Variants in ZNF716 observed in about 807,000 individuals in gnomAD.
ZNF716 encodes the protein zinc finger protein 716.
In ZNF716, 9 loss-of-function variants were observed where a neutral mutation model predicts 13.4. The observed-to-expected ratio is 0.67, with a 90% CI of 0.41 to 1.18. ZNF716 has a LOEUF of 1.18. Ranked by LOEUF, ZNF716 falls within the 50% of genes most tolerant of loss-of-function variation. The pLI, the probability that ZNF716 is intolerant of heterozygous loss-of-function variation, is 0.01. For synonymous variants in ZNF716, 186 were observed against 195.2 expected, an observed-to-expected ratio of 0.95 and a Z score of 0.39; for missense variants, 581 against 576.6, an observed-to-expected ratio of 1.01 and a Z score of -0.08.
intron 1 of ZNF716, among the ~76,000 whole-genome samples, chr7:57,460,967 T>C (rs1468956042): frequency 5.9e-5 from 9 of 151,690 alleles, no homozygotes; most frequent in Non-Finnish European, 1.2e-4. Context: ...GAAAACTGAT[T>C]TTTTTTTATA....
rs535858758 is a variant in ZNF716 at position 57,470,539 on chromosome 7, C to T, written c.*590C>T. Reference sequence around the variant, plus strand: ...AGATAATTCATTCTAGAGACAAACCCTACAAAAACAATGTGGTAAAGCTTT... The same window carrying T: ...AGATAATTCATTCTAGAGACAAACCTTACAAAAACAATGTGGTAAAGCTTT... On this transcript the variant is annotated 3_prime_UTR_variant, in exon 4 of 4. Transcript: ENST00000420713. 6.5e-5 allele frequency: 10 copies of T among 152,866 alleles called. No homozygotes were observed. The highest frequency in any genetic ancestry group is 2.2e-4 in the African/African-American group (9 of 41,532). The allele number at this position is 152,866 out of a possible 1,614,324, so 9.5% of individuals were successfully genotyped here.
Position 57,463,085 on chromosome 7 carries a change from C to T in ZNF716, c.179C>T (p.Ser60Phe). The T allele has an allele frequency of 1.2e-6, 2 of 1,610,356 alleles. No individual in the cohort carries two copies. The highest frequency in any genetic ancestry group is 8.5e-7 in the Non-Finnish European group (1 of 1,179,880). ...CTTAATAAAACAGGTATTGCTGTCT[C>T]TAAGCCAGACTTGATCACCTGTCTG... ...RNLVSLGIAVSKPDLITCLEQ... is the reference protein window; with the variant it reads ...RNLVSLGIAVFKPDLITCLEQ... The change falls in exon 3 of 4, where the codon TCT (serine) becomes TTT (phenylalanine). Residue 60 changes from serine (S) to phenylalanine (F), a missense_variant. Physicochemically the swap from Ser to Phe is radical, Grantham distance 155. Transcript: ENST00000420713.
chr7:57,468,821 G>C lies in ZNF716; in HGVS notation c.360G>C (p.Gln120His), dbSNP rs782446505. 1.2e-6 allele frequency: 2 copies of C among 1,613,722 alleles called. No homozygotes were observed. The highest frequency in any genetic ancestry group is 8.5e-7 in the Non-Finnish European group (1 of 1,179,848). Residue 120 changes from glutamine (Q) to histidine (H), a missense_variant, in exon 4 of 4, where the codon CAG becomes CAC. By Grantham distance (24) the Gln-to-His change is conservative. Transcript: ENST00000420713. ...VILRRYGKCG[Q>H]EDLQVKKCCK... Reference sequence around the variant, plus strand: ...TGAGAAGATATGGAAAATGTGGACAGGAGGATTTACAAGTAAAAAAATGCT... The same window carrying C: ...TGAGAAGATATGGAAAATGTGGACACGAGGATTTACAAGTAAAAAAATGCT...
rs201449041 is a variant in ZNF716, at chr7:57,469,494, G to A, written c.1033G>A (p.Val345Ile). 4.4e-4 allele frequency: 706 copies of A among 1,603,368 alleles called. 2 individuals are homozygous for A. The highest frequency in any genetic ancestry group is 3.3e-3 in the Middle Eastern group (20 of 5,998). The stretch of plus-strand genomic sequence containing the variant: ...CTCAACCCTTAAGAAACATAAGATA[G>A]TTCATACTGGGGAGAAACTCTACAC... ...LSSTLKKHKIVHTGEKLYTCE... is the reference protein window; with the variant it reads ...LSSTLKKHKIIHTGEKLYTCE... The change falls in exon 4 of 4, where the codon GTT becomes ATT. Residue 345 changes from valine to isoleucine, a missense_variant. Physicochemically the swap from Val to Ile is conservative, Grantham distance 29. Transcript: ENST00000420713.
intron 1 of ZNF716, among the ~76,000 whole-genome samples, chr7:57,457,852 C>T (rs782313476): frequency 1.5e-4 from 23 of 152,294 alleles, no homozygotes; most frequent in Non-Finnish European, 3.1e-4. Context: ...GTTCTCTTAT[C>T]TTTGTCCACA....
chr7:57,472,693 C>T lies in ZNF716; in HGVS notation c.*2744C>T, dbSNP rs1789965758. 1 of 152,158 alleles carries T rather than the reference C, an allele frequency of 6.6e-6. No individual in the cohort carries two copies. Among genetic ancestry groups the T allele is most frequent in the Non-Finnish European group, 1.5e-5 (1 of 68,072 alleles). 9.4% of individuals were successfully genotyped at this position (152,158 alleles called of 1,614,324 possible). ...TGTTGGCCAGGCTGGTCTCAAACTC[C>T]TGACCTCAGGTGATACACCCACCTC... On this transcript the variant is annotated 3_prime_UTR_variant, in exon 4 of 4. Coordinates refer to ENST00000420713, the MANE Select transcript of ZNF716 (RefSeq NM_001159279.1).
intron 1 of ZNF716, among the ~76,000 whole-genome samples, chr7:57,451,955 T>C (rs1583713695): frequency 6.6e-6 from 1 of 151,884 alleles, no homozygotes; most frequent in African/African-American, 2.4e-5. Flanking sequence ...TTAATAGAGA[T>C]GGGGTTTCAC....
At position 57,462,521 on chromosome 7, in the gene ZNF716, A is replaced by T; in HGVS notation, c.101A>T (p.Asp34Val). Residue 34 changes from aspartate (D) to valine (V), a missense_variant, in exon 2 of 4, where the codon GAT (aspartate) becomes GTT (valine). Physicochemically the swap from Asp to Val is radical, Grantham distance 152. Coordinates refer to ENST00000420713, the MANE Select transcript of ZNF716 (RefSeq NM_001159279.1). ...EFSLAEWQCL[D>V]HAQQNLYRDV... ...TCTCTGGCGGAATGGCAATGCCTGG[A>T]TCATGCTCAGCAGAATTTATATAGA... 1 of 1,613,954 alleles carries T rather than the reference A, an allele frequency of 6.2e-7. No homozygotes were observed. The highest frequency in any genetic ancestry group is 8.5e-7 in the Non-Finnish European group (1 of 1,179,914).
intron 1 of ZNF716, 148 bp downstream of exon 1, chr7:57,450,475 C>T: frequency 2.1e-6 from 3 of 1,421,180 alleles, no homozygotes; most frequent in Admixed American, 3.9e-5. Context: ...CTCTTAGTCC[C>T]CTCGAGCGTT....
intron 1 of ZNF716, among the ~76,000 whole-genome samples, chr7:57,459,004 A>T (rs1388298075): frequency 6.6e-6 from 1 of 151,804 alleles, no homozygotes; most frequent in Non-Finnish European, 1.5e-5. Context: ...ATTAGTTTCA[A>T]AATTTTTTTA....
rs1259954843 is a variant in ZNF716, at chr7:57,468,950, C to G, written c.489C>G (p.Val163=). ...QNKTFQTHKC[V]KVFGKFSNSN... ...AAACATTTCAGACTCATAAATGCGTCAAAGTCTTTGGTAAATTTTCAAATT... is the reference window on the plus strand; with the variant it reads ...AAACATTTCAGACTCATAAATGCGTGAAAGTCTTTGGTAAATTTTCAAATT... The change falls in exon 4 of 4, where the codon GTC becomes GTG. Residue 163 remains valine (V), a synonymous_variant. Transcript: ENST00000420713. 2.5e-6 allele frequency: 4 copies of G among 1,609,814 alleles called. No homozygotes were observed. The highest frequency in any genetic ancestry group is 3.4e-6 in the Non-Finnish European group (4 of 1,177,770).
At chr7:57,465,881 T>C (rs1485109495) in intron 3 of ZNF716, among the ~76,000 whole-genome samples, 8 of 152,184 alleles carry the variant, frequency 5.3e-5, no homozygotes, top group African/African-American at 9.7e-5. Flanking sequence ...ATGTCCTTTG[T>C]AGGGACTTGG....
In ZNF716 at chr7:57,470,069, T is replaced by A; in HGVS notation, c.*120T>A. 2 of 971,950 alleles carry A rather than the reference T, an allele frequency of 2.1e-6. No homozygotes were observed. The highest frequency in any genetic ancestry group is 3.0e-6 in the Non-Finnish European group (2 of 675,956). 60.2% of individuals were successfully genotyped at this position (971,950 alleles called of 1,614,324 possible). ...ACCAGTTCCAAACCACTGCTGTCCA[T>A]AAGATAATTCATATTGGACAAAAGT... On this transcript the variant is annotated 3_prime_UTR_variant, in exon 4 of 4. Transcript: ENST00000420713.
chr7:57,469,782 T>A lies in ZNF716; in HGVS notation c.1321T>A (p.Cys441Ser). Residue 441 changes from cysteine to serine, a missense_variant, in exon 4 of 4, where the codon TGT becomes AGT. Coordinates refer to ENST00000420713, the MANE Select transcript of ZNF716 (RefSeq NM_001159279.1). The part of the protein sequence containing the change: ...TGEKLYKCKE[C>S]GKAFTFSSTL... ...AGAGAAACTCTACAAATGTAAAGAA[T>A]GTGGGAAAGCCTTTACCTTCTCCTC... is the stretch of plus-strand genomic sequence containing the variant. 1 of 1,608,510 alleles carries A rather than the reference T, an allele frequency of 6.2e-7. No individual in the cohort carries two copies. Among genetic ancestry groups the A allele is most frequent in the Non-Finnish European group, 8.5e-7 (1 of 1,177,180 alleles).
At position 57,468,991 on chromosome 7, in the gene ZNF716, C is replaced by T. The variant is rs758521328; in HGVS notation, c.530C>T (p.Thr177Ile). Reference sequence around the variant, plus strand: ...TTTTCAAATTCCAATAGACACAAGACAAGACATACTGGAAAGAAACATTTC... The same window carrying T: ...TTTTCAAATTCCAATAGACACAAGATAAGACATACTGGAAAGAAACATTTC... ...GKFSNSNRHK[T>I]RHTGKKHFKC... Residue 177 changes from threonine (T) to isoleucine (I), a missense_variant, in exon 4 of 4, where the codon ACA (threonine) becomes ATA (isoleucine). Transcript: ENST00000420713. The T allele has an allele frequency of 6.2e-7, 1 of 1,607,894 alleles. No individual in the cohort carries two copies. Among genetic ancestry groups the T allele is most frequent in the South Asian group, 1.1e-5 (1 of 90,652 alleles).
intron 1 of ZNF716, among the ~76,000 whole-genome samples, chr7:57,451,556 G>A (rs1409526631): frequency 1.4e-5 from 2 of 138,712 alleles, no homozygotes; most frequent in African/African-American, 5.4e-5. Context: ...CAAGTGATTC[G>A]CCTGCCTCAG....
chr7:57,462,736 A>G (rs1789731409), intron 2 of ZNF716, 150 bp downstream of exon 2: 6 of 1,029,682 alleles, frequency 5.8e-6, no homozygotes, highest in Non-Finnish European at 8.5e-6. Context: ...CAAATTCTTC[A>G]AGATGTTTTA....
At position 57,469,103 on chromosome 7, in the gene ZNF716, A is replaced by G. The variant is rs1554324650; in HGVS notation, c.642A>G (p.Lys214=). 1 of 1,608,230 alleles carries G rather than the reference A, an allele frequency of 6.2e-7. No individual in the cohort carries two copies. Among genetic ancestry groups the G allele is most frequent in the East Asian group, 2.2e-5 (1 of 44,592 alleles). The stretch of plus-strand genomic sequence containing the variant: ...TTCATACTAGGGAGAAGTCTTACAA[A>G]TGTGAAGAATGTGGCAAATCCTTTA... ...QIIHTREKSY[K]CEECGKSFNC... is the part of the protein sequence containing the mutation. Residue 214 remains lysine, a synonymous_variant, in exon 4 of 4, where the codon AAA becomes AAG. Coordinates refer to ENST00000420713, the MANE Select transcript of ZNF716 (RefSeq NM_001159279.1).
chr7:57,460,222 C>A (rs1267308181), intron 1 of ZNF716, among the ~76,000 whole-genome samples: 1 of 151,760 alleles, frequency 6.6e-6, no homozygotes, highest in African/African-American at 2.4e-5. Flanking sequence ...TGGTGAAAGT[C>A]CATCTCTATT....
Sources: allele counts gnomAD v4.1 joint callset (sites outside exome capture counted in the v4.1 genomes callset), GRCh38; gene constraint gnomAD v4.1.1; transcripts MANE v1.5; gene names NCBI Gene and HGNC (gene_info 2026-07-23, HGNC 2026-07-21).